Variants in FOXK2 observed in about 807,000 individuals in gnomAD.
FOXK2 encodes the protein forkhead box K2.
In FOXK2, 24 loss-of-function variants were observed where a neutral mutation model predicts 53.3. The ratio of observed to expected loss-of-function variants is 0.45; its 90% CI spans 0.33 to 0.63. The LOEUF is 0.63. Ranked by LOEUF, FOXK2 falls within the 30% of genes least tolerant of loss-of-function variation. The probability of loss-of-function intolerance (pLI) is 0.03; values close to 1 mark genes in which losing one functional copy is unlikely to be tolerated. For synonymous variants in FOXK2, 505 were observed against 407.1 expected, an observed-to-expected ratio of 1.24 and a Z score of -2.89; for missense variants, 952 against 910.5, an observed-to-expected ratio of 1.05 and a Z score of -0.59.
At chr17:82,583,010 T>G (rs571644085) in intron 5 of FOXK2, 76 bp downstream of exon 5, 1 of 1,166,152 alleles carries the variant, frequency 8.6e-7, no homozygotes, top group Admixed American at 3.2e-5. Context: ...AAAATTTCCT[T>G]TTGAAAATGA....
chr17:82,556,122 C>T (rs2044722172), intron 1 of FOXK2, among the ~76,000 whole-genome samples: 2 of 152,048 alleles, frequency 1.3e-5, no homozygotes, highest in South Asian at 4.1e-4. Context: ...CACAGGAACT[C>T]TCACTGACGC....
At chr17:82,578,777 C>T (rs2045021685) in intron 4 of FOXK2, among the ~76,000 whole-genome samples, 1 of 152,194 alleles carries the variant, frequency 6.6e-6, no homozygotes, top group Non-Finnish European at 1.5e-5. Context: ...AAAATAGCAG[C>T]TCCCCAATTC....
intron 1 of FOXK2, among the ~76,000 whole-genome samples, chr17:82,527,255 C>T (rs1190177944): frequency 2.0e-5 from 3 of 152,108 alleles, no homozygotes; most frequent in Non-Finnish European, 4.4e-5. Context: ...ATTCTCCTGC[C>T]TCAGCCTCCC....
chr17:82,600,488 T>C (rs1027086825), intron 8 of FOXK2: 1 of 152,274 alleles, frequency 6.6e-6, no homozygotes, highest in South Asian at 2.1e-4. Flanking sequence ...CACCCACTCA[T>C]GGCGATCAGC....
intron 1 of FOXK2, among the ~76,000 whole-genome samples, chr17:82,530,166 T>A (rs981608607): frequency 5.9e-5 from 9 of 152,182 alleles, no homozygotes; most frequent in African/African-American, 2.2e-4. Flanking sequence ...AACTCATCTT[T>A]TGACTTTCAT....
chr17:82,541,883 A>T (rs928255925), intron 1 of FOXK2, among the ~76,000 whole-genome samples: 17 of 141,588 alleles, frequency 1.2e-4, no homozygotes, highest in Admixed American at 2.8e-4. Context: ...AGCTAATTAA[A>T]TTTTTTTTTT....
chr17:82,526,198 TCA>T (rs2044417163), intron 1 of FOXK2, among the ~76,000 whole-genome samples: 1 of 152,176 alleles, frequency 6.6e-6, no homozygotes, highest in African/African-American at 2.4e-5. Context: ...TTGAGGGAAC[TCA>T]CAGTGATTCT....
At chr17:82,536,977 A>G (rs1269142814) in intron 1 of FOXK2, among the ~76,000 whole-genome samples, 2 of 152,258 alleles carry the variant, frequency 1.3e-5, no homozygotes, top group Admixed American at 6.5e-5. Flanking sequence ...TAGAACAGAC[A>G]CACACAATAC....
intron 8 of FOXK2, among the ~76,000 whole-genome samples, chr17:82,590,452 G>A (rs2143149276): frequency 6.6e-6 from 1 of 152,248 alleles, no homozygotes; most frequent in Non-Finnish European, 1.5e-5. Context: ...ACCGCCTCTG[G>A]CCAGCACGTC....
At chr17:82,532,237 TTGG>T (rs1215359626) in intron 1 of FOXK2, among the ~76,000 whole-genome samples, 1 of 150,902 alleles carries the variant, frequency 6.6e-6, no homozygotes. Context: ...CTCCGCCTCC[TTGG>T]TTCAAGCAAT....
chr17:82,558,535 C>T (rs146990735), intron 1 of FOXK2, among the ~76,000 whole-genome samples: 12 of 152,326 alleles, frequency 7.9e-5, no homozygotes, highest in African/African-American at 2.9e-4. Flanking sequence ...CATTGGGTTC[C>T]CCATCATTCC....
intron 1 of FOXK2, among the ~76,000 whole-genome samples, chr17:82,525,044 C>T (rs1349708361): frequency 6.6e-6 from 1 of 151,156 alleles, no homozygotes; most frequent in Non-Finnish European, 1.5e-5. Flanking sequence ...GGCACGATCT[C>T]GGCTCACTGC....
chr17:82,564,210 C>T (rs2044829741), intron 2 of FOXK2, among the ~76,000 whole-genome samples: 1 of 151,512 alleles, frequency 6.6e-6, no homozygotes, highest in Non-Finnish European at 1.5e-5. Context: ...GCCTCAGCCT[C>T]CTGAGTAGCT....
chr17:82,576,951 G>A, intron 4 of FOXK2: 1 of 391,696 alleles, frequency 2.6e-6, no homozygotes, highest in Non-Finnish European at 4.7e-6. Flanking sequence ...CCTGTGGTTG[G>A]AGGGTTCGAG....
chr17:82,567,186 T>C (rs1388805732), intron 2 of FOXK2, among the ~76,000 whole-genome samples: 2 of 152,166 alleles, frequency 1.3e-5, no homozygotes, highest in South Asian at 2.1e-4. Flanking sequence ...TTCTTGGTGA[T>C]TTTCTCTAGA....
chr17:82,578,232 C>G (rs961880628), intron 4 of FOXK2: 1 of 152,290 alleles, frequency 6.6e-6, no homozygotes, highest in Admixed American at 6.5e-5. Flanking sequence ...ACAGACAAAC[C>G]GTCCTTGAGA....
At chr17:82,559,203 A>G in intron 1 of FOXK2, 3 of 379,746 alleles carry the variant, frequency 7.9e-6, no homozygotes, top group Non-Finnish European at 1.6e-5. Context: ...TTAGTAGTAC[A>G]GTGTTTGATT....
chr17:82,533,152 T>A (rs1246009746), intron 1 of FOXK2, among the ~76,000 whole-genome samples: 1 of 152,214 alleles, frequency 6.6e-6, no homozygotes, highest in Admixed American at 6.5e-5. Context: ...TATAGTTAAC[T>A]TTTTAAAAAT....
At chr17:82,570,680 T>C (rs974690443) in intron 3 of FOXK2, among the ~76,000 whole-genome samples, 1 of 152,234 alleles carries the variant, frequency 6.6e-6, no homozygotes, top group Non-Finnish European at 1.5e-5. Flanking sequence ...AAACTCCATG[T>C]ATATAGTATC....
Sources: allele counts gnomAD v4.1 joint callset (sites outside exome capture counted in the v4.1 genomes callset), GRCh38; gene constraint gnomAD v4.1.1; transcripts MANE v1.5; gene names NCBI Gene and HGNC (gene_info 2026-07-23, HGNC 2026-07-21).